Variants in RBPMS observed in about 807,000 individuals in gnomAD.
RBPMS encodes the protein RNA binding protein, mRNA processing factor, also known as RNA-binding protein with multiple splicing.
RBPMS carries 7 observed loss-of-function variants against 26.8 expected under a neutral mutation model. The observed-to-expected ratio is 0.26, with a 90% CI of 0.15 to 0.49. The LOEUF (loss-of-function observed/expected upper bound fraction) is 0.49, where lower values mean the gene tolerates loss of function less well. RBPMS is among the 20% of genes least tolerant of loss of function. The pLI, the probability that RBPMS is intolerant of heterozygous loss-of-function variation, is 0.98. For missense variants in RBPMS, 186 were observed against 250.0 expected (o/e 0.74, Z 1.73); for synonymous variants, 96 against 93.3 (o/e 1.03, Z -0.17).
chr8:30,486,529 A>T (rs1000278231), intron 4 of RBPMS, among the ~76,000 whole-genome samples: 1 of 151,016 alleles, frequency 6.6e-6, no homozygotes, highest in Non-Finnish European at 1.5e-5. Flanking sequence ...GCTACTTGGG[A>T]GGCTGAGGCA....
At position 30,443,362 on chromosome 8, in the gene RBPMS, G is replaced by C. The variant is rs148777971; in HGVS notation, c.67-31417G>C. Reference sequence around the variant, plus strand: ...AATATGCATGATGTAAAAACAAAAGGTTGCGTAGTATAGTGGTTAAGAGCC... The same window carrying C: ...AATATGCATGATGTAAAAACAAAAGCTTGCGTAGTATAGTGGTTAAGAGCC... On this transcript the variant is annotated intron_variant, in intron 1 of 8. Transcript: ENST00000397323. 2.5e-3 allele frequency among the ~76,000 whole-genome samples: 387 copies of C among 152,216 alleles called. 3 individuals are homozygous for C. Among genetic ancestry groups the C allele is most frequent in the African/African-American group, 8.8e-3 (365 of 41,548 alleles).
At chr8:30,527,640 A>G (rs1823734700) in intron 5 of RBPMS, among the ~76,000 whole-genome samples, 1 of 152,074 alleles carries the variant, frequency 6.6e-6, no homozygotes, top group Non-Finnish European at 1.5e-5. Flanking sequence ...TTACCAGACT[A>G]TTCCCAGCCC....
rs560793248 is a variant in RBPMS at position 30,544,012 on chromosome 8, G to C, written c.398-482G>C. Among the ~76,000 whole-genome samples the C allele has an allele frequency of 3.3e-5, 5 of 152,310 alleles. No individual in the cohort carries two copies. The East Asian group carries it at 5.8e-4, about 18-fold the overall frequency. On this transcript the variant is annotated intron_variant, in intron 5 of 8. Transcript: ENST00000397323. ...AATGCTTGATGATCATTACTGACTT[G>C]TCAATAGTAATTATGCCAATAAACA...
intron 1 of RBPMS, among the ~76,000 whole-genome samples, chr8:30,423,163 C>T (rs192139713): frequency 2.0e-5 from 3 of 152,242 alleles, no homozygotes; most frequent in Non-Finnish European, 4.4e-5. Flanking sequence ...GCTTTGTTAT[C>T]TGGTTTCCCA....
intron 4 of RBPMS, among the ~76,000 whole-genome samples, chr8:30,497,787 TA>T (rs1820140240): frequency 6.6e-6 from 1 of 151,798 alleles, no homozygotes; most frequent in African/African-American, 2.4e-5. Flanking sequence ...CACGCCTGGC[TA>T]ATTTTTTGTA....
chr8:30,523,828 A>G (rs1823303013), intron 5 of RBPMS, among the ~76,000 whole-genome samples: 2 of 152,156 alleles, frequency 1.3e-5, no homozygotes, highest in African/African-American at 4.8e-5. Flanking sequence ...TAAGTGGATT[A>G]TCTTGCTTTC....
intron 1 of RBPMS, among the ~76,000 whole-genome samples, chr8:30,410,141 AATACACACACACACAC>A (rs1809158936): frequency 1.1e-5 from 1 of 86,966 alleles, no homozygotes; most frequent in Admixed American, 1.1e-4. Context: ...GGTGACTTAA[AATACACACACACACAC>A]ACACACACAC....
intron 1 of RBPMS, among the ~76,000 whole-genome samples, chr8:30,455,582 A>G (rs1192494965): frequency 1.3e-5 from 2 of 152,144 alleles, no homozygotes; most frequent in Non-Finnish European, 2.9e-5. Flanking sequence ...CTCTGGAAGT[A>G]AAGAATAATT....
chr8:30,455,576 G>A (rs1409298050), intron 1 of RBPMS, among the ~76,000 whole-genome samples: 1 of 152,098 alleles, frequency 6.6e-6, no homozygotes, highest in Non-Finnish European at 1.5e-5. Context: ...AGCCTTCTCT[G>A]GAAGTAAAGA....
chr8:30,473,731 T>G (rs1563352702), intron 1 of RBPMS, among the ~76,000 whole-genome samples: 1 of 152,130 alleles, frequency 6.6e-6, no homozygotes, highest in African/African-American at 2.4e-5. Flanking sequence ...AAAGAAAATG[T>G]GGTACATATA....
At chr8:30,558,981 T>A in intron 7 of RBPMS, 25 bp downstream of exon 7, 1 of 1,601,006 alleles carries the variant, frequency 6.2e-7, no homozygotes, top group Non-Finnish European at 8.6e-7. Context: ...TCCTTTGGAA[T>A]GTGCGAAGCC....
intron 5 of RBPMS, among the ~76,000 whole-genome samples, chr8:30,510,172 C>A (rs186767150): frequency 6.6e-6 from 1 of 152,108 alleles, no homozygotes; most frequent in African/African-American, 2.4e-5. Flanking sequence ...GGCACAGATA[C>A]GCTTGCTAGA....
At chr8:30,531,940 C>G (rs1202406815) in intron 5 of RBPMS, among the ~76,000 whole-genome samples, 1 of 152,004 alleles carries the variant, frequency 6.6e-6, no homozygotes, top group African/African-American at 2.4e-5. Context: ...AGGTCAGAGT[C>G]TCCCAAGGTA....
intron 1 of RBPMS, among the ~76,000 whole-genome samples, chr8:30,434,026 T>C (rs1812192965): frequency 6.6e-6 from 1 of 151,912 alleles, no homozygotes; most frequent in African/African-American, 2.4e-5. Flanking sequence ...AAAAAGTATT[T>C]AAAGTCCTGG....
intron 5 of RBPMS, among the ~76,000 whole-genome samples, chr8:30,529,135 C>T (rs576632299): frequency 5.9e-5 from 9 of 152,048 alleles, no homozygotes; most frequent in African/African-American, 2.2e-4. Context: ...GGGAAAATCG[C>T]TGGAACCCAG....
intron 5 of RBPMS, among the ~76,000 whole-genome samples, chr8:30,505,940 C>T (rs1563386667): frequency 2.6e-5 from 4 of 152,054 alleles, no homozygotes; most frequent in Admixed American, 2.6e-4. Flanking sequence ...AATTTGCCAG[C>T]CTCAGATCTC....
chr8:30,412,119 A>G (rs549306285), intron 1 of RBPMS, among the ~76,000 whole-genome samples: 44 of 152,332 alleles, frequency 2.9e-4, no homozygotes, highest in African/African-American at 1.0e-3. Flanking sequence ...GGTGCCTACT[A>G]GGAAGGGCTG....
At chr8:30,488,972 C>T (rs1819086647) in intron 4 of RBPMS, among the ~76,000 whole-genome samples, 1 of 152,160 alleles carries the variant, frequency 6.6e-6, no homozygotes, top group African/African-American at 2.4e-5. Context: ...GATTTTCCTT[C>T]CTATGCTGTT....
At chr8:30,556,106 C>T (rs1826881292) in intron 6 of RBPMS, 2 of 985,338 alleles carry the variant, frequency 2.0e-6, no homozygotes, top group Non-Finnish European at 2.4e-6. Flanking sequence ...GTGAGAAGAG[C>T]CCCCCACTTG....
Sources: allele counts gnomAD v4.1 joint callset (sites outside exome capture counted in the v4.1 genomes callset), GRCh38; gene constraint gnomAD v4.1.1; transcripts MANE v1.5; gene names NCBI Gene and HGNC (gene_info 2026-07-23, HGNC 2026-07-21).